MTERF4: variants seen among roughly 807,000 people sequenced by gnomAD.
MTERF4 encodes mitochondrial transcription termination factor 4, also known as transcription termination factor 4, mitochondrial.
Under a neutral mutation model 22.5 loss-of-function variants are expected in MTERF4, and 17 were observed. The ratio of observed to expected loss-of-function variants is 0.75; its 90% CI spans 0.52 to 1.13. MTERF4 has a LOEUF of 1.13. Ranked by LOEUF, MTERF4 falls within the 50% of genes most tolerant of loss-of-function variation. The pLI is 0.00. For missense variants in MTERF4, 420 were observed against 466.8 expected (o/e 0.90, Z 0.92); for synonymous variants, 165 against 175.3 (o/e 0.94, Z 0.47).
downstream of MTERF4, chr2:241,087,800 A>G: frequency 1.2e-6 from 1 of 805,162 alleles, no homozygotes; most frequent in Non-Finnish European, 1.7e-6. Context: ...TGGCCGATAT[A>G]GCGCGTCGCT....
downstream of MTERF4, chr2:241,089,307 G>A (rs1355505809): frequency 1.0e-5 from 16 of 1,550,206 alleles, no homozygotes; most frequent in East Asian, 3.4e-4. Context: ...TGGCGCAGAT[G>A]AGTGAGGCAC....
At chr2:241,043,687 A>G in the MTERF4 span, among the ~76,000 whole-genome samples, 1 of 152,254 alleles carries the variant, frequency 6.6e-6, no homozygotes, top group African/African-American at 2.4e-5. Context: ...AGATGACTCC[A>G]ATAACATAAA....
downstream of MTERF4, chr2:241,088,043 G>A (rs2063674336): frequency 7.1e-6 from 3 of 422,178 alleles, no homozygotes; most frequent in Non-Finnish European, 4.2e-6. Context: ...CACCAGCCGT[G>A]CTGCTCGGCC....
chr2:241,059,547 T>A, the MTERF4 span, among the ~76,000 whole-genome samples: 2 of 152,186 alleles, frequency 1.3e-5, no homozygotes, highest in Non-Finnish European at 2.9e-5. Flanking sequence ...AAAATATTAC[T>A]AAGTCAAGCT....
chr2:241,100,435 A>T (rs2064650061), intron 1 of MTERF4, among the ~76,000 whole-genome samples: 1 of 152,078 alleles, frequency 6.6e-6, no homozygotes, highest in African/African-American at 2.4e-5. Flanking sequence ...CTTCCTCTTA[A>T]TGAATAGTAA....
the MTERF4 span, among the ~76,000 whole-genome samples, chr2:241,066,017 C>T: frequency 6.6e-6 from 1 of 152,084 alleles, no homozygotes; most frequent in Admixed American, 6.6e-5. Context: ...GGCACCTGCT[C>T]ACAGGGATAT....
At chr2:241,070,078 C>T, downstream of MTERF4, 1 of 1,613,132 alleles carries the variant, frequency 6.2e-7, no homozygotes, top group Non-Finnish European at 8.5e-7. Flanking sequence ...CAACGGGAAG[C>T]TGGCGTCCTA....
Position 241,096,921 on chromosome 2 carries a change from T to C in MTERF4, c.705+322A>G. On this transcript the variant is annotated intron_variant, in intron 3 of 3. Coordinates refer to ENST00000391980, the MANE Select transcript of MTERF4 (RefSeq NM_182501.4). The surrounding 1 kb of genome is among the most constrained non-coding windows in gnomAD (Gnocchi z 5.1). ...AATTAGCTATTTCAGAGTCCCCACT[T>C]AGACTCTAAGAATAGGACTGGATCA... 1 of 590,698 alleles carries C rather than the reference T, an allele frequency of 1.7e-6. No individual in the cohort carries two copies. Among genetic ancestry groups the C allele is most frequent in the Non-Finnish European group, 3.0e-6 (1 of 335,490 alleles). The allele number at this position is 590,698 out of a possible 1,614,324, so 36.6% of individuals were successfully genotyped here. A position where few individuals can be genotyped will look rare whatever the true frequency, so the allele number is the denominator to read the frequency against.
chr2:241,056,536 GA>G, the MTERF4 span, among the ~76,000 whole-genome samples: 1 of 143,836 alleles, frequency 7.0e-6, no homozygotes, highest in East Asian at 2.1e-4. Context: ...AGATCAGAGA[GA>G]AAAAATAATT....
chr2:241,066,552 A>G, the MTERF4 span, among the ~76,000 whole-genome samples: 2 of 151,508 alleles, frequency 1.3e-5, no homozygotes, highest in Non-Finnish European at 2.9e-5. Flanking sequence ...AGGAGCAAGA[A>G]TGGGGAAGGG....
the MTERF4 span, among the ~76,000 whole-genome samples, chr2:241,050,938 C>T: frequency 1.6e-3 from 243 of 152,362 alleles, 2 homozygotes; most frequent in African/African-American, 5.5e-3. Flanking sequence ...CAGCCCTCCC[C>T]CAGCATCCCA....
the MTERF4 span, among the ~76,000 whole-genome samples, chr2:241,055,176 A>G: frequency 6.6e-6 from 1 of 152,146 alleles, no homozygotes; most frequent in African/African-American, 2.4e-5. Flanking sequence ...TAAAGCTGAG[A>G]TAATCGGAGC....
Position 241,073,604 on chromosome 2 carries a change from G to T in MTERF4, n.2558C>A. 1 of 584,166 alleles carries T rather than the reference G, an allele frequency of 1.7e-6. No individual in the cohort carries two copies. The allele number at this position is 584,166 out of a possible 1,614,324, so 36.2% of individuals were successfully genotyped here. The stretch of plus-strand genomic sequence containing the variant: ...GCAGGACCCACCCAAACCACCCAGA[G>T]TCTGAGCTAGAGAGACTGGCTTTGA... On this transcript the variant is annotated non_coding_transcript_exon_variant, in exon 5 of 5. Coordinates refer to the MTERF4 transcript ENST00000464344. The surrounding 1 kb of genome is among the most constrained non-coding windows in gnomAD (Gnocchi z 6.6).
the MTERF4 span, among the ~76,000 whole-genome samples, chr2:241,047,743 G>A: frequency 6.6e-6 from 1 of 152,134 alleles, no homozygotes; most frequent in Non-Finnish European, 1.5e-5. Context: ...TCCATTCCTG[G>A]GTGGCTTCTC....
the MTERF4 span, among the ~76,000 whole-genome samples, chr2:241,058,263 A>G: frequency 6.6e-6 from 1 of 152,332 alleles, no homozygotes; most frequent in African/African-American, 2.4e-5. Flanking sequence ...ATATTCAAGC[A>G]TCTAATACAA....
downstream of MTERF4, among the ~76,000 whole-genome samples, chr2:241,083,278 G>T (rs2063418513): frequency 6.6e-6 from 1 of 152,202 alleles, no homozygotes. Context: ...CCCAAGTCAG[G>T]AGTGTCCCTG....
At chr2:241,064,545 C>T in the MTERF4 span, among the ~76,000 whole-genome samples, 2 of 152,204 alleles carry the variant, frequency 1.3e-5, no homozygotes, top group African/African-American at 4.8e-5. This position sits in a 1 kb window ranked among gnomAD's most constrained non-coding sequence, Gnocchi z 7.0. Flanking sequence ...TGACCACTGA[C>T]CTCCCCTCCT....
At chr2:241,068,046 C>A, downstream of MTERF4, 1 of 1,113,150 alleles carries the variant, frequency 9.0e-7, no homozygotes, top group Non-Finnish European at 1.3e-6. The surrounding 1 kb of genome is among the most constrained non-coding windows in gnomAD (Gnocchi z 5.3). Context: ...CGTGTGTGGA[C>A]TGTACCACCT....
the MTERF4 span, among the ~76,000 whole-genome samples, chr2:241,053,911 T>C: frequency 6.6e-6 from 1 of 152,272 alleles, no homozygotes; most frequent in African/African-American, 2.4e-5. Flanking sequence ...GAGTCCAAAC[T>C]GTCCATCAGA....
Sources: gnomAD v4.1 joint callset for allele counts (sites outside exome capture counted in the v4.1 genomes callset) on GRCh38, gnomAD v4.1.1 for gene constraint, Gnocchi (gnomAD v3.1) non-coding constraint, MANE v1.5 for transcripts, NCBI Gene and HGNC (gene_info 2026-07-23, HGNC 2026-07-21) for gene names.